The following CEP290 variants were observed in gnomAD, a reference collection of about 807,000 sequenced individuals.
CEP290 encodes centrosomal protein 290, also known as centrosomal protein of 290 kDa.
A neutral mutation model predicts 344.9 loss-of-function variants in CEP290; 317 were observed. The observed-to-expected ratio is 0.92, with a 90% CI of 0.84 to 1.01. The LOEUF (loss-of-function observed/expected upper bound fraction) is 1.01, where lower values mean the gene tolerates loss of function less well. Among genes scored for constraint, CEP290 ranks in the 50% least tolerant of loss-of-function variants. CEP290 has a pLI of 0.00. For synonymous variants in CEP290, 932 were observed against 895.8 expected (o/e 1.04, Z -0.72); for missense variants, 2,754 against 2,761.4 (o/e 1.00, Z 0.06).
intron 51 of CEP290, among the ~76,000 whole-genome samples, chr12:88,054,093 T>C (rs972771633): frequency 1.3e-5 from 2 of 152,176 alleles, no homozygotes; most frequent in Non-Finnish European, 2.9e-5. Context: ...ACTCATTCTA[T>C]GCTCTTAGAA....
intron 49 of CEP290, chr12:88,058,619 A>G: frequency 1.8e-6 from 1 of 555,366 alleles, no homozygotes; most frequent in Non-Finnish European, 3.2e-6. Flanking sequence ...CCCCAGCTCT[A>G]CACTGTTCCA....
intron 6 of CEP290, among the ~76,000 whole-genome samples, chr12:88,133,739 A>G (rs1418058865): frequency 6.6e-6 from 1 of 152,206 alleles, no homozygotes; most frequent in Non-Finnish European, 1.5e-5. Flanking sequence ...ATTTAAAGAA[A>G]GTTTATAATA....
At position 88,084,590 on chromosome 12, in the gene CEP290, C is replaced by A; in HGVS notation, c.4700G>T (p.Arg1567Ile). The change falls in exon 35 of 54, where the codon AGA (arginine) becomes ATA (isoleucine). Residue 1567 changes from arginine to isoleucine, a missense_variant. Arg to Ile is a moderately conservative substitution (Grantham distance 97, BLOSUM62 -3). Transcript: ENST00000552810. ...KKYQRLLEKA[R>I]EEQREIVKKH... is the part of the protein sequence containing the mutation. The stretch of plus-strand genomic sequence containing the variant: ...ACTCATAATATAATAAAATACCTCT[C>A]TGGCTTTTTCTAGAAGACGTTGATA... The A allele has an allele frequency of 1.2e-6, 2 of 1,607,960 alleles. No individual in the cohort carries two copies. The highest frequency in any genetic ancestry group is 1.7e-6 in the Non-Finnish European group (2 of 1,175,224).
chr12:88,121,378 G>C (rs1276833171), intron 13 of CEP290, among the ~76,000 whole-genome samples: 1 of 151,954 alleles, frequency 6.6e-6, no homozygotes, highest in Non-Finnish European at 1.5e-5. Flanking sequence ...TAGCTGAAGG[G>C]GTATGGATTT....
In CEP290 at chr12:88,129,002, T is replaced by C; in HGVS notation, c.886A>G (p.Asn296Asp). The change falls in exon 11 of 54, where the codon AAT (asparagine) becomes GAT (aspartate). Residue 296 changes from asparagine to aspartate, a missense_variant. Coordinates refer to ENST00000552810, the MANE Select transcript of CEP290 (RefSeq NM_025114.4). Reference sequence around the variant, plus strand: ...ACCATAATTGGATCATCTTCTTCATTTTTTGATTTCAGAAGATCTGTAAGC... The same window carrying C: ...ACCATAATTGGATCATCTTCTTCATCTTTTGATTTCAGAAGATCTGTAAGC... ...QELTDLLKSKNEEDDPIMVAV... is the reference protein window; with the variant it reads ...QELTDLLKSKDEEDDPIMVAV... The C allele has an allele frequency of 6.5e-7, 1 of 1,531,826 alleles. No individual in the cohort carries two copies. The highest frequency in any genetic ancestry group is 8.7e-7 in the Non-Finnish European group (1 of 1,149,932). The allele number at this position is 1,531,826 out of a possible 1,614,324, so 94.9% of individuals were successfully genotyped here. A position where few individuals can be genotyped will look rare whatever the true frequency, so the allele number is the denominator to read the frequency against.
At position 88,096,960 on chromosome 12, in the gene CEP290, T is replaced by C; in HGVS notation, c.3031A>G (p.Asn1011Asp). ...ISLKEQVESI[N>D]KELEITKEKL... ...TCCTTGGTAATCTCCAGTTCTTTAT[T>C]TATAGACTCCACTTGTTCTTTTAAG... The change falls in exon 27 of 54, where the codon AAT (asparagine) becomes GAT (aspartate). Residue 1011 changes from asparagine to aspartate, a missense_variant. Coordinates refer to ENST00000552810, the MANE Select transcript of CEP290 (RefSeq NM_025114.4). The C allele has an allele frequency of 6.3e-7, 1 of 1,575,682 alleles. No homozygotes were observed. The highest frequency in any genetic ancestry group is 8.6e-7 in the Non-Finnish European group (1 of 1,158,208).
chr12:88,050,534 C>T, intron 52 of CEP290, 101 bp from the exon 53 acceptor site: 1 of 565,746 alleles, frequency 1.8e-6, no homozygotes, highest in East Asian at 3.1e-5. Context: ...TTTTATGAAA[C>T]CTAGAACCTG....
rs376693501 is a variant in CEP290 at position 88,101,728 on chromosome 12, C to G, written c.2991+1110G>C. On this transcript the variant is annotated intron_variant, in intron 26 of 53. Transcript: ENST00000552810. ...TTGGGAAAATGATAACGTTAAACAT[C>G]ACTCATTGATACATTATCCACAAGA... Among the ~76,000 whole-genome samples the G allele has an allele frequency of 2.6e-5, 4 of 151,120 alleles. No individual in the cohort carries two copies. In the East Asian group the frequency reaches 5.8e-4, roughly 22 times the overall value.
chr12:88,053,028 G>A (rs2033687643), intron 52 of CEP290, among the ~76,000 whole-genome samples: 2 of 152,136 alleles, frequency 1.3e-5, no homozygotes, highest in Non-Finnish European at 2.9e-5. Flanking sequence ...AATGTGCTGC[G>A]AGTGTTGATT....
At chr12:88,086,579 C>G (rs951989463) in intron 32 of CEP290, 81 bp from the exon 33 acceptor site, 14 of 918,654 alleles carry the variant, frequency 1.5e-5, no homozygotes, top group Non-Finnish European at 2.3e-5. Flanking sequence ...ATTTTCTTAT[C>G]TAATCCTCAC....
chr12:88,117,862 CCT>C (rs1475127611), intron 17 of CEP290, among the ~76,000 whole-genome samples: 1 of 151,772 alleles, frequency 6.6e-6, no homozygotes, highest in East Asian at 1.9e-4. Flanking sequence ...ATGGTGAAAC[CCT>C]GTTTCTACTA....
At chr12:88,079,818 C>T (rs1380850369) in intron 38 of CEP290, among the ~76,000 whole-genome samples, 2 of 151,998 alleles carry the variant, frequency 1.3e-5, no homozygotes, top group African/African-American at 4.8e-5. Flanking sequence ...CTCAATCCCT[C>T]AAATTGTTCA....
chr12:88,140,187 CT>C (rs1174328546), intron 3 of CEP290, among the ~76,000 whole-genome samples: 3 of 152,096 alleles, frequency 2.0e-5, no homozygotes, highest in Non-Finnish European at 4.4e-5. Flanking sequence ...CTTTCCACTA[CT>C]TTTTTTCTGT....
intron 49 of CEP290, 125 bp downstream of exon 49, chr12:88,058,723 A>G (rs1473522603): frequency 5.3e-6 from 5 of 943,942 alleles, no homozygotes; most frequent in African/African-American, 1.7e-5. Flanking sequence ...TATTATGTTA[A>G]AACAACAACC....
chr12:88,077,170 A>G, intron 41 of CEP290, 52 bp downstream of exon 41: 1 of 1,545,688 alleles, frequency 6.5e-7, no homozygotes, highest in Non-Finnish European at 8.7e-7. Flanking sequence ...TATGTATTTA[A>G]CTTACTCTGT....
Position 88,111,867 on chromosome 12 carries a change from TTTATA to T in CEP290, c.2053-14_2053-10del, listed in dbSNP as rs1190266955. On this transcript the variant is annotated splice_polypyrimidine_tract_variant and intron_variant, in intron 20 of 53. Coordinates refer to ENST00000552810, the MANE Select transcript of CEP290 (RefSeq NM_025114.4). The stretch of plus-strand genomic sequence containing the variant: ...TTCTTTGATTCTATAGCCTAGCAAA[TTTATA>T]TTATATATTAGAAATGTGGAGAAAA... The T allele has an allele frequency of 1.3e-6, 2 of 1,524,100 alleles. No individual in the cohort carries two copies. The highest frequency in any genetic ancestry group is 1.8e-6 in the Non-Finnish European group (2 of 1,135,630). 94.4% of individuals were successfully genotyped at this position (1,524,100 alleles called of 1,614,324 possible).
At chr12:88,131,254 G>C (rs1302465311) in intron 6 of CEP290, 36 bp from the exon 7 acceptor site, 1 of 1,402,102 alleles carries the variant, frequency 7.1e-7, no homozygotes, top group East Asian at 2.8e-5. Flanking sequence ...ATAAGAAGAA[G>C]ATAAAATTCA....
At chr12:88,072,861 A>C (rs2035486236) in intron 41 of CEP290, among the ~76,000 whole-genome samples, 1 of 152,178 alleles carries the variant, frequency 6.6e-6, no homozygotes, top group African/African-American at 2.4e-5. Flanking sequence ...AGAAGGGAGC[A>C]AACGATACAG....
chr12:88,074,635 C>T (rs762655058), intron 41 of CEP290, among the ~76,000 whole-genome samples: 21 of 152,288 alleles, frequency 1.4e-4, no homozygotes, highest in Non-Finnish European at 1.5e-4. Flanking sequence ...GTCTCTCTGA[C>T]CTTCTCCCAT....
Sources: allele counts gnomAD v4.1 joint callset (sites outside exome capture counted in the v4.1 genomes callset), GRCh38; gene constraint gnomAD v4.1.1; transcripts MANE v1.5; gene names NCBI Gene and HGNC (gene_info 2026-07-23, HGNC 2026-07-21).